Variants in C3orf52 observed in about 807,000 individuals in gnomAD.
C3orf52 encodes the protein TPA-induced transmembrane protein.
In C3orf52, 22 loss-of-function variants were observed where a neutral mutation model predicts 24.8. That is an observed-to-expected ratio of 0.89 (90% CI 0.63 to 1.27). C3orf52 has a LOEUF of 1.27. Ranked by LOEUF, C3orf52 falls within the 50% of genes most tolerant of loss-of-function variation. C3orf52 has a pLI of 0.00. For synonymous variants in C3orf52, 93 were observed against 100.2 expected (o/e 0.93, Z 0.43); for missense variants, 265 against 260.7 (o/e 1.02, Z -0.11).
intron 4 of C3orf52, chr3:112,123,523 A>G (rs767588081): frequency 8.1e-6 from 13 of 1,614,052 alleles, no homozygotes; most frequent in Middle Eastern, 1.6e-4. Flanking sequence ...AAGTGAGAGG[A>G]GATTCTGTGA....
chr3:112,102,167 A>G (rs1418154851), intron 2 of C3orf52, among the ~76,000 whole-genome samples: 1 of 152,064 alleles, frequency 6.6e-6, no homozygotes, highest in Non-Finnish European at 1.5e-5. Context: ...ACTTCAAGAC[A>G]TGGACTCGCA....
intron 4 of C3orf52, among the ~76,000 whole-genome samples, chr3:112,126,671 T>C (rs531546067): frequency 6.6e-6 from 1 of 152,292 alleles, no homozygotes; most frequent in Admixed American, 6.5e-5. Flanking sequence ...ACCCCTCCCC[T>C]ATCCCAGGCT....
chr3:112,098,396 C>T (rs957815588), intron 2 of C3orf52, among the ~76,000 whole-genome samples: 2 of 152,174 alleles, frequency 1.3e-5, no homozygotes, highest in African/African-American at 4.8e-5. Flanking sequence ...TCTTCAGCTT[C>T]GTGACTTTTC....
chr3:112,120,088 G>T (rs924284262), downstream of C3orf52, among the ~76,000 whole-genome samples: 3 of 152,224 alleles, frequency 2.0e-5, no homozygotes, highest in East Asian at 5.8e-4. Context: ...TTTCTATGAT[G>T]ATGATGACCT....
intron 5 of C3orf52, among the ~76,000 whole-genome samples, chr3:112,115,847 TA>T (rs1319314564): frequency 6.6e-6 from 1 of 152,192 alleles, no homozygotes; most frequent in Non-Finnish European, 1.5e-5. Context: ...AATAAAAACT[TA>T]AAATATAATG....
At chr3:112,108,859 GA>G in intron 3 of C3orf52, among the ~76,000 whole-genome samples, 1 of 152,174 alleles carries the variant, frequency 6.6e-6, no homozygotes, top group Non-Finnish European at 1.5e-5. Context: ...TTAGTATTAA[GA>G]AAGAGAGAGA....
intron 5 of C3orf52, among the ~76,000 whole-genome samples, chr3:112,116,140 TGTCA>T (rs1335293270): frequency 6.6e-6 from 1 of 152,176 alleles, no homozygotes; most frequent in Non-Finnish European, 1.5e-5. Flanking sequence ...TAGTGAATCT[TGTCA>T]GTCCTGTCAG....
At chr3:112,102,749 A>T in intron 2 of C3orf52, 89 bp from the exon 3 acceptor site, 1 of 1,200,068 alleles carries the variant, frequency 8.3e-7, no homozygotes. Context: ...GTTATGTTTA[A>T]GTATGGCAGT....
At chr3:112,132,927 G>A (rs2074491894), downstream of C3orf52, 3 of 631,040 alleles carry the variant, frequency 4.8e-6, no homozygotes, top group Non-Finnish European at 7.9e-6. Context: ...GAAATTTAAT[G>A]TGGTATCTGG....
intron 1 of C3orf52, among the ~76,000 whole-genome samples, chr3:112,091,408 G>C (rs1309905541): frequency 1.3e-5 from 2 of 152,190 alleles, no homozygotes; most frequent in East Asian, 3.8e-4. Flanking sequence ...TATGTGGACA[G>C]CTCAGGTATT....
chr3:112,093,209 A>G (rs1351173330), intron 1 of C3orf52, 151 bp from the exon 2 acceptor site: 3 of 673,902 alleles, frequency 4.5e-6, no homozygotes, highest in South Asian at 5.1e-5. Context: ...TCTGCCTCTG[A>G]TCTCTCTTTT....
chr3:112,097,953 G>T (rs927288060), intron 2 of C3orf52, among the ~76,000 whole-genome samples: 8 of 152,172 alleles, frequency 5.3e-5, no homozygotes, highest in African/African-American at 1.9e-4. Context: ...TACTGCTCAA[G>T]GTCATCACCA....
At chr3:112,103,319 G>T (rs543130892) in intron 3 of C3orf52, among the ~76,000 whole-genome samples, 19 of 152,206 alleles carry the variant, frequency 1.2e-4, no homozygotes, top group African/African-American at 3.9e-4. Context: ...GCCATGACAC[G>T]AGTTTACCTA....
chr3:112,108,463 T>C (rs1244545294), intron 3 of C3orf52, among the ~76,000 whole-genome samples: 2 of 152,198 alleles, frequency 1.3e-5, no homozygotes, highest in Non-Finnish European at 2.9e-5. Context: ...CAACAATTCC[T>C]TTTCTTGGCA....
At chr3:112,112,876 T>TAAAAAA (rs76778672) in intron 4 of C3orf52, 88 bp from the exon 5 acceptor site, 24 of 951,478 alleles carry the variant, frequency 2.5e-5, no homozygotes, top group South Asian at 5.9e-5. Context: ...CATGCAAAAC[T>TAAAAAA]AAAAAAAAAA....
chr3:112,107,930 G>C (rs939355233), intron 3 of C3orf52, among the ~76,000 whole-genome samples: 1 of 152,204 alleles, frequency 6.6e-6, no homozygotes, highest in Non-Finnish European at 1.5e-5. Flanking sequence ...AACAGGGTAA[G>C]CTCCCCATAG....
At chr3:112,124,301 C>T (rs1299953061) in intron 4 of C3orf52, among the ~76,000 whole-genome samples, 1 of 152,146 alleles carries the variant, frequency 6.6e-6, no homozygotes, top group African/African-American at 2.4e-5. Context: ...CTGAGGATAG[C>T]CCATTCTAAT....
intron 2 of C3orf52, 59 bp from the exon 3 acceptor site, chr3:112,102,776 TTTA>T: frequency 7.0e-7 from 1 of 1,422,734 alleles, no homozygotes; most frequent in Non-Finnish European, 9.4e-7. Context: ...AATAAATAAG[TTTA>T]TTATTATATG....
At chr3:112,099,190 G>A (rs1477693351) in intron 2 of C3orf52, among the ~76,000 whole-genome samples, 6 of 152,060 alleles carry the variant, frequency 3.9e-5, no homozygotes, top group South Asian at 4.2e-4. Context: ...TGTTAAGCCC[G>A]CAGAACTGTA....
Sources: allele counts gnomAD v4.1 joint callset (sites outside exome capture counted in the v4.1 genomes callset), GRCh38; gene constraint gnomAD v4.1.1; transcripts MANE v1.5; gene names NCBI Gene and HGNC (gene_info 2026-07-23, HGNC 2026-07-21).